Variants in HEMK2 observed in about 807,000 individuals in gnomAD.
The protein encoded by HEMK2 is methyltransferase HEMK2.
chr21:28,857,724 C>G, the HEMK2 span, among the ~76,000 whole-genome samples: 4 of 152,134 alleles, frequency 2.6e-5, no homozygotes, highest in Admixed American at 1.3e-4. Context: ...CCTGCCAGAA[C>G]ATAGATGTTC....
the HEMK2 span, among the ~76,000 whole-genome samples, chr21:28,877,165 A>G: frequency 7.4e-6 from 1 of 135,620 alleles, no homozygotes; most frequent in Non-Finnish European, 1.6e-5. Context: ...AGAAAGAGAA[A>G]GAAAGAAAGA....
At chr21:28,721,900 T>A in the HEMK2 span, among the ~76,000 whole-genome samples, 2 of 127,296 alleles carry the variant, frequency 1.6e-5, no homozygotes, top group South Asian at 2.6e-4. Flanking sequence ...TTCTTAACCA[T>A]CACACACACA....
the HEMK2 span, among the ~76,000 whole-genome samples, chr21:28,618,859 T>C: frequency 2.6e-5 from 4 of 152,284 alleles, no homozygotes; most frequent in Non-Finnish European, 5.9e-5. Flanking sequence ...AAACTAACTT[T>C]TGATGGAGTA....
At chr21:28,862,490 T>G in the HEMK2 span, among the ~76,000 whole-genome samples, 2 of 142,922 alleles carry the variant, frequency 1.4e-5, no homozygotes, top group African/African-American at 2.8e-5. Flanking sequence ...ATACAAAAAA[T>G]TAGCCTGGCG....
chr21:28,806,436 CA>C, the HEMK2 span, among the ~76,000 whole-genome samples: 1 of 151,718 alleles, frequency 6.6e-6, no homozygotes, highest in Admixed American at 6.6e-5. Flanking sequence ...TGTGCTCTCT[CA>C]AAAAAAATAT....
the HEMK2 span, among the ~76,000 whole-genome samples, chr21:28,639,448 A>T: frequency 6.6e-6 from 1 of 152,234 alleles, no homozygotes; most frequent in Non-Finnish European, 1.5e-5. Context: ...TTAATACTTC[A>T]AGAAACAAGG....
the HEMK2 span, among the ~76,000 whole-genome samples, chr21:28,663,384 T>A: frequency 5.9e-5 from 9 of 152,208 alleles, no homozygotes; most frequent in Admixed American, 2.0e-4. Context: ...TGGATTTTTA[T>A]GTGAAAGCAT....
At chr21:28,830,677 A>T in the HEMK2 span, among the ~76,000 whole-genome samples, 1 of 152,176 alleles carries the variant, frequency 6.6e-6, no homozygotes, top group Admixed American at 6.5e-5. Context: ...AGAGATCAAG[A>T]CCATTCTGGC....
the HEMK2 span, among the ~76,000 whole-genome samples, chr21:28,823,052 T>C: frequency 6.6e-6 from 1 of 152,268 alleles, no homozygotes; most frequent in East Asian, 1.9e-4. Flanking sequence ...TAAAAAAAAG[T>C]TGGTTCCTCC....
chr21:28,589,395 C>T, the HEMK2 span, among the ~76,000 whole-genome samples: 5 of 152,148 alleles, frequency 3.3e-5, no homozygotes, highest in South Asian at 4.2e-4. Flanking sequence ...AAAACAACCT[C>T]GCTGAGGGGG....
chr21:28,726,907 T>C, the HEMK2 span, among the ~76,000 whole-genome samples: 1 of 149,808 alleles, frequency 6.7e-6, no homozygotes, highest in African/African-American at 2.5e-5. Flanking sequence ...ATATCCTAAG[T>C]AGGTTTTCAA....
chr21:28,779,912 ATGC>A, the HEMK2 span, among the ~76,000 whole-genome samples: 1 of 152,338 alleles, frequency 6.6e-6, no homozygotes, highest in African/African-American at 2.4e-5. Context: ...CCTGAGATTA[ATGC>A]TGCTGTTTCC....
At chr21:28,768,592 A>G in the HEMK2 span, among the ~76,000 whole-genome samples, 1 of 152,006 alleles carries the variant, frequency 6.6e-6, no homozygotes, top group African/African-American at 2.4e-5. Context: ...ACTCCTGGAT[A>G]GGGAACAAGA....
the HEMK2 span, among the ~76,000 whole-genome samples, chr21:28,801,877 T>C: frequency 6.6e-6 from 1 of 152,102 alleles, no homozygotes; most frequent in African/African-American, 2.4e-5. Context: ...ATCCAAAAAT[T>C]TGGAAACTCA....
the HEMK2 span, among the ~76,000 whole-genome samples, chr21:28,576,510 T>A: frequency 6.6e-6 from 1 of 152,290 alleles, no homozygotes; most frequent in Admixed American, 6.5e-5. Context: ...TTTAATATAT[T>A]TCTCTATATG....
the HEMK2 span, among the ~76,000 whole-genome samples, chr21:28,747,427 A>C: frequency 6.6e-6 from 1 of 152,206 alleles, no homozygotes; most frequent in African/African-American, 2.4e-5. Flanking sequence ...AATGACTTTA[A>C]AACCTTCCAA....
At chr21:28,632,603 T>C in the HEMK2 span, among the ~76,000 whole-genome samples, 16 of 152,214 alleles carry the variant, frequency 1.1e-4, no homozygotes, top group African/African-American at 3.9e-4. Flanking sequence ...TCATTTTCTA[T>C]CGATGTCAAC....
At chr21:28,883,077 A>G in the HEMK2 span, 3 of 1,586,208 alleles carry the variant, frequency 1.9e-6, no homozygotes, top group Non-Finnish European at 2.6e-6. Flanking sequence ...CCACTCTGAA[A>G]AAAAAATAAA....
chr21:28,730,575 T>C, the HEMK2 span, among the ~76,000 whole-genome samples: 217 of 152,242 alleles, frequency 1.4e-3, 1 homozygote, highest in Middle Eastern at 6.8e-3. Flanking sequence ...ATGTGGCTAT[T>C]GGCAGGAATT....
Sources: allele counts gnomAD v4.1 joint callset (sites outside exome capture counted in the v4.1 genomes callset), GRCh38; gene constraint gnomAD v4.1.1; transcripts MANE v1.5; gene names NCBI Gene and HGNC (gene_info 2026-07-23, HGNC 2026-07-21).